The following BEST2 variants were observed in gnomAD, a reference collection of about 807,000 sequenced individuals.
BEST2 encodes the protein bestrophin-2a.
In BEST2, 36 loss-of-function variants were observed where a neutral mutation model predicts 49.0. The observed-to-expected ratio is 0.73, with a 90% CI of 0.56 to 0.97. The LOEUF (loss-of-function observed/expected upper bound fraction) is 0.97, where lower values mean the gene tolerates loss of function less well. Ranked by LOEUF, BEST2 falls within the 50% of genes least tolerant of loss-of-function variation. The pLI is 0.00. For synonymous variants in BEST2, 335 were observed against 304.4 expected (o/e 1.10, Z -1.05); for missense variants, 672 against 710.0 (o/e 0.95, Z 0.61).
Position 12,755,268 on chromosome 19 carries a change from C to A in BEST2, c.637-111C>A. On this transcript the variant is annotated intron_variant, in intron 5 of 9. Coordinates refer to ENST00000553030, the MANE Select transcript of BEST2 (RefSeq NM_017682.3). The surrounding 1 kb of genome is among the most constrained non-coding windows in gnomAD (Gnocchi z 4.4). ...TACCCTCCCTGGAACCCCCAAAGCA[C>A]ACTCCCAATTCCCACCAGGTGACCA... 8.2e-7 allele frequency: 1 copy of A among 1,219,410 alleles called. No homozygotes were observed. The highest frequency in any genetic ancestry group is 1.2e-6 in the Non-Finnish European group (1 of 837,488). The allele number at this position is 1,219,410 out of a possible 1,614,324, so 75.5% of individuals were successfully genotyped here.
At chr19:12,753,742 G>C (rs1967900217) in intron 3 of BEST2, among the ~76,000 whole-genome samples, 1 of 152,086 alleles carries the variant, frequency 6.6e-6, no homozygotes, top group Non-Finnish European at 1.5e-5. Flanking sequence ...TCTCTGACAA[G>C]TCTTGGACCC....
intron 3 of BEST2, among the ~76,000 whole-genome samples, chr19:12,753,789 C>T (rs1020357476): frequency 6.6e-6 from 1 of 152,114 alleles, no homozygotes; most frequent in African/African-American, 2.4e-5. Context: ...GCCCAAGGCT[C>T]CCTGATGTAG....
rs768315666 is a variant in BEST2 at position 12,755,677 on chromosome 19, C to T, written c.777C>T (p.Asp259=). 6.2e-7 allele frequency: 1 copy of T among 1,614,076 alleles called. No homozygotes were observed. Among genetic ancestry groups the T allele is most frequent in the East Asian group, 2.2e-5 (1 of 44,850 alleles). ...LACLIGRQFL[D]PAQGYKDHDL... The stretch of plus-strand genomic sequence containing the variant: ...GCCTCATTGGTCGCCAGTTCCTGGA[C>T]CCGGCTCAGGGTTACAAAGACCACG... The change falls in exon 7 of 10, where the codon GAC becomes GAT. Residue 259 remains aspartate (D), a synonymous_variant. Coordinates refer to ENST00000553030, the MANE Select transcript of BEST2 (RefSeq NM_017682.3). This position sits in a 1 kb window ranked among gnomAD's most constrained non-coding sequence, Gnocchi z 4.4.
At position 12,758,456 on chromosome 19, in the gene BEST2, A is replaced by T. The variant is rs1044621620; in HGVS notation, c.*379A>T. ...AATAAATTGCTAGTGATTTTTACTC[A>T]AACGTTGTTAGTCTGATTTCTCCTG... On this transcript the variant is annotated 3_prime_UTR_variant, in exon 10 of 10. Transcript: ENST00000553030. The T allele has an allele frequency of 2.2e-5, 5 of 225,780 alleles. No individual in the cohort carries two copies. The highest frequency in any genetic ancestry group is 1.5e-3 in the Middle Eastern group (1 of 664). The allele number at this position is 225,780 out of a possible 1,614,324, so 14.0% of individuals were successfully genotyped here.
At chr19:12,757,626 C>T (rs573235230) in intron 9 of BEST2, 25 bp from the exon 10 acceptor site, 4 of 1,526,310 alleles carry the variant, frequency 2.6e-6, no homozygotes, top group Non-Finnish European at 3.5e-6. Context: ...GAGGCCGCAG[C>T]GCTGGCCCAC....
Position 12,752,582 on chromosome 19 carries a change from C to A in BEST2, c.-11C>A. On this transcript the variant is annotated 5_prime_UTR_variant, in exon 2 of 10. Transcript: ENST00000553030. ...CCCACTCTCCCTTGGCCACACCTGC[C>A]GGGTGCCACGATGACCGTCACCTAC... 1.2e-6 allele frequency: 2 copies of A among 1,610,410 alleles called. No homozygotes were observed. The highest frequency in any genetic ancestry group is 1.7e-5 in the Admixed American group (1 of 59,974).
intron 8 of BEST2, 80 bp downstream of exon 8, chr19:12,756,015 C>A: frequency 6.3e-7 from 1 of 1,589,000 alleles, no homozygotes; most frequent in South Asian, 1.1e-5. Flanking sequence ...CCACCCCTGC[C>A]AAGTCTTGCC....
In BEST2 at chr19:12,758,390, G is replaced by A. The variant is rs1967972511; in HGVS notation, c.*313G>A. 2.2e-6 allele frequency: 1 copy of A among 452,568 alleles called. No homozygotes were observed. Among genetic ancestry groups the A allele is most frequent in the Admixed American group, 4.1e-5 (1 of 24,130 alleles). The allele number at this position is 452,568 out of a possible 1,614,324, so 28.0% of individuals were successfully genotyped here. On this transcript the variant is annotated 3_prime_UTR_variant, in exon 10 of 10. Transcript: ENST00000553030. Reference sequence around the variant, plus strand: ...TACCTCCTCGAGTTGTCATGAGGATGAAAGAATGGCATTAAAGCATTTGGT... The same window carrying A: ...TACCTCCTCGAGTTGTCATGAGGATAAAAGAATGGCATTAAAGCATTTGGT...
Position 12,757,863 on chromosome 19 carries a change from C to T in BEST2, c.1316C>T (p.Pro439Leu), listed in dbSNP as rs748082929. ...GCCAGCTGCTCATGCGCGGTTGTCCCCGAAGGCGCGGCCCCGGAGTGCAGC... is the reference window on the plus strand; with the variant it reads ...GCCAGCTGCTCATGCGCGGTTGTCCTCGAAGGCGCGGCCCCGGAGTGCAGC... Reference protein sequence around the residue: ...TGASCSCAVVPEGAAPECSCG... With the variant: ...TGASCSCAVVLEGAAPECSCG... Residue 439 changes from proline to leucine, a missense_variant, in exon 10 of 10, where the codon CCC (proline) becomes CTC (leucine). Pro to Leu is a moderately conservative substitution (Grantham distance 98). Coordinates refer to ENST00000553030, the MANE Select transcript of BEST2 (RefSeq NM_017682.3). The T allele has an allele frequency of 1.3e-6, 2 of 1,549,184 alleles. No individual in the cohort carries two copies. Among genetic ancestry groups the T allele is most frequent in the African/African-American group, 1.4e-5 (1 of 73,050 alleles).
Position 12,757,738 on chromosome 19 carries a change from C to T in BEST2, c.1191C>T (p.Leu397=), listed in dbSNP as rs1397206985. Residue 397 remains leucine, a synonymous_variant, in exon 10 of 10, where the codon CTC becomes CTT. Coordinates refer to ENST00000553030, the MANE Select transcript of BEST2 (RefSeq NM_017682.3). The part of the protein sequence containing the change: ...GEAPGDFLQR[L]LPAGAGMVAG... ...CGCCCGGCGACTTCCTGCAGCGCCT[C>T]CTGCCGGCGGGCGCGGGCATGGTCG... 2 of 1,544,810 alleles carry T rather than the reference C, an allele frequency of 1.3e-6. No homozygotes were observed. The highest frequency in any genetic ancestry group is 1.7e-6 in the Non-Finnish European group (2 of 1,146,612).
intron 3 of BEST2, among the ~76,000 whole-genome samples, chr19:12,753,848 G>A (rs912073379): frequency 5.9e-5 from 9 of 152,034 alleles, no homozygotes; most frequent in Non-Finnish European, 1.2e-4. Context: ...GGCCGGGTGT[G>A]GCTACTGTGA....
Position 12,756,112 on chromosome 19 carries a change from C to T in BEST2, c.949-29C>T, listed in dbSNP as rs771052642. 2.5e-6 allele frequency: 4 copies of T among 1,613,584 alleles called. No homozygotes were observed. The African/African-American group carries it at 4.0e-5, about 16-fold the overall frequency. Reference sequence around the variant, plus strand: ...TGGTCCCGGCGGGTTGCCCTGCCCCCACTTTACCCTGTGTGTTTGCACCCG... The same window carrying T: ...TGGTCCCGGCGGGTTGCCCTGCCCCTACTTTACCCTGTGTGTTTGCACCCG... On this transcript the variant is annotated intron_variant, in intron 8 of 9. Coordinates refer to ENST00000553030, the MANE Select transcript of BEST2 (RefSeq NM_017682.3).
chr19:12,752,785 G>T, intron 2 of BEST2, 41 bp downstream of exon 2: 1 of 1,533,264 alleles, frequency 6.5e-7, no homozygotes. Flanking sequence ...GCGGAGGGGG[G>T]GCAGCTATTA....
chr19:12,755,011 GC>G lies in BEST2; in HGVS notation c.619del (p.Lys208SerfsTer7). 6.2e-7 allele frequency: 1 copy of G among 1,602,872 alleles called. No individual in the cohort carries two copies. Among genetic ancestry groups the G allele is most frequent in the Non-Finnish European group, 8.5e-7 (1 of 1,176,854 alleles). ...RREGRIRDNS[A>X]LKLLLEELNV... ...CGAGGGCCGCATCCGCGACAACAGC[GC>G]CCTTAAGCTGCTGCTCGAGGTGGGC... On this transcript the variant is annotated frameshift_variant, in exon 5 of 10. Transcript: ENST00000553030. LOFTEE classifies it high-confidence loss of function. This position sits in a 1 kb window ranked among gnomAD's most constrained non-coding sequence, Gnocchi z 4.4.
At chr19:12,753,381 TC>T in intron 3 of BEST2, 27 bp downstream of exon 3, 1 of 1,603,302 alleles carries the variant, frequency 6.2e-7, no homozygotes, top group Non-Finnish European at 8.5e-7. Flanking sequence ...AGTCCCCCGT[TC>T]CCATGTCCCT....
In BEST2 at chr19:12,757,947, G is replaced by A. The variant is rs763379973; in HGVS notation, c.1400G>A (p.Gly467Asp). Residue 467 changes from glycine to aspartate, a missense_variant, in exon 10 of 10, where the codon GGT (glycine) becomes GAT (aspartate). This residue lies in a region of BEST2 where 291 missense variants were observed against 279.8 expected (regional missense o/e 1.04). Coordinates refer to ENST00000553030, the MANE Select transcript of BEST2 (RefSeq NM_017682.3). The stretch of plus-strand genomic sequence containing the variant: ...GAGCCCGAGGCCCCGCCCCCTGCGG[G>A]TCCCGAACCGCTTACCCTCATCCCT... ...LPEPEAPPPAGPEPLTLIPGP... is the reference protein window; with the variant it reads ...LPEPEAPPPADPEPLTLIPGP... The A allele has an allele frequency of 1.3e-6, 2 of 1,592,380 alleles. No homozygotes were observed. Among genetic ancestry groups the A allele is most frequent in the South Asian group, 1.1e-5 (1 of 88,284 alleles).
intron 3 of BEST2, among the ~76,000 whole-genome samples, chr19:12,754,217 A>G (rs919431131): frequency 6.6e-6 from 1 of 151,700 alleles, no homozygotes; most frequent in African/African-American, 2.4e-5. Flanking sequence ...CTGAGACTAC[A>G]GGTGCGCCAC....
Position 12,756,268 on chromosome 19 carries a change from C to G in BEST2, c.1076C>G (p.Ser359Cys). ...ACTGTCTTCCAGCTGCGGCAGCCTT[C>G]CTTCCAGGGCTCCACCTTTGACATC... ...AATVFQLRQP[S>C]FQGSTFDITL... The change falls in exon 9 of 10, where the codon TCC (serine) becomes TGC (cysteine). Residue 359 changes from serine (S) to cysteine (C), a missense_variant. This residue lies in a region of BEST2 where 291 missense variants were observed against 279.8 expected (regional missense o/e 1.04). Coordinates refer to ENST00000553030, the MANE Select transcript of BEST2 (RefSeq NM_017682.3). The G allele has an allele frequency of 6.2e-7, 1 of 1,613,684 alleles. No individual in the cohort carries two copies. Among genetic ancestry groups the G allele is most frequent in the Non-Finnish European group, 8.5e-7 (1 of 1,180,050 alleles).
chr19:12,754,514 G>C (rs777006029), intron 3 of BEST2, 38 bp from the exon 4 acceptor site: 1 of 1,439,380 alleles, frequency 6.9e-7, no homozygotes, highest in South Asian at 1.4e-5. Context: ...CCTGGCCCTG[G>C]TGTCCCCACT....
Sources: allele counts gnomAD v4.1 joint callset (sites outside exome capture counted in the v4.1 genomes callset), GRCh38; gene constraint gnomAD v4.1.1; regional missense constraint gnomAD v4.1.1; non-coding constraint Gnocchi (gnomAD v3.1); transcripts MANE v1.5; gene names NCBI Gene and HGNC (gene_info 2026-07-23, HGNC 2026-07-21).